The following TASP1 variants were observed in gnomAD, a reference collection of about 807,000 sequenced individuals.
TASP1 encodes the protein threonine aspartase 1.
A neutral mutation model predicts 56.6 loss-of-function variants in TASP1; 16 were observed. That is an observed-to-expected ratio of 0.28 (90% CI 0.19 to 0.43). TASP1 has a LOEUF of 0.43. Ranked by LOEUF, TASP1 falls within the 20% of genes least tolerant of loss-of-function variation. TASP1 has a pLI of 1.00. For missense variants in TASP1, 393 were observed against 511.6 expected (o/e 0.77, Z 2.24); for synonymous variants, 179 against 184.2 (o/e 0.97, Z 0.23).
chr20:13,635,691 C>T (rs1442631891), intron 1 of TASP1, among the ~76,000 whole-genome samples: 1 of 152,018 alleles, frequency 6.6e-6, no homozygotes, highest in Non-Finnish European at 1.5e-5. Context: ...CCCGGCCAAC[C>T]TTCAGCAACT....
the TASP1 span, among the ~76,000 whole-genome samples, chr20:13,360,516 A>G: frequency 6.6e-6 from 1 of 152,096 alleles, no homozygotes; most frequent in Non-Finnish European, 1.5e-5. Flanking sequence ...ATTCTTACAC[A>G]AGAGCCAGGA....
At chr20:13,478,660 C>T (rs961396161) in intron 11 of TASP1, among the ~76,000 whole-genome samples, 1 of 152,080 alleles carries the variant, frequency 6.6e-6, no homozygotes, top group East Asian at 1.9e-4. Context: ...AAAGCCCAGA[C>T]TTCACCACTA....
At chr20:13,380,359 T>C in the TASP1 span, among the ~76,000 whole-genome samples, 2 of 152,224 alleles carry the variant, frequency 1.3e-5, no homozygotes, top group African/African-American at 4.8e-5. Context: ...TGGAGTTTGC[T>C]GGAGGTCCAC....
the TASP1 span, chr20:13,167,839 C>G: frequency 6.6e-6 from 1 of 152,172 alleles, no homozygotes; most frequent in Admixed American, 6.5e-5. Context: ...AACCAGCCTT[C>G]CTGCGTGATT....
the TASP1 span, among the ~76,000 whole-genome samples, chr20:13,268,142 T>C: frequency 7.6e-3 from 1,138 of 150,074 alleles, 16 homozygotes; most frequent in African/African-American, 0.026. Context: ...TTCTCTTCTC[T>C]TCTCTTCTCT....
chr20:13,521,359 G>A (rs914908431), intron 10 of TASP1, among the ~76,000 whole-genome samples: 4 of 152,082 alleles, frequency 2.6e-5, no homozygotes, highest in African/African-American at 9.7e-5. Flanking sequence ...CAATAGCAAA[G>A]ACTTGGAACC....
At chr20:13,258,361 G>A in the TASP1 span, among the ~76,000 whole-genome samples, 1 of 152,052 alleles carries the variant, frequency 6.6e-6, no homozygotes, top group Admixed American at 6.5e-5. Flanking sequence ...CTTCAGGCCT[G>A]GAGATGTGAG....
At chr20:13,414,724 C>A (rs2146044832) in intron 13 of TASP1, among the ~76,000 whole-genome samples, 1 of 151,990 alleles carries the variant, frequency 6.6e-6, no homozygotes, top group Non-Finnish European at 1.5e-5. Flanking sequence ...GGTACTGATG[C>A]CCTAATTTTG....
At chr20:13,130,542 A>C in the TASP1 span, among the ~76,000 whole-genome samples, 1 of 152,264 alleles carries the variant, frequency 6.6e-6, no homozygotes, top group Non-Finnish European at 1.5e-5. Flanking sequence ...TTCAAAGATG[A>C]AATAGCAGTC....
In TASP1 at chr20:13,608,983, T is replaced by C. The variant is rs553489340; in HGVS notation, c.282+14463A>G. ...AGGGCTTTTATTAAAAAGAAAACTA[T>C]AGCAGTAGTTACAATTTATTTATCA... On this transcript the variant is annotated intron_variant, in intron 4 of 13. Transcript: ENST00000337743. 2.6e-5 allele frequency among the ~76,000 whole-genome samples: 4 copies of C among 152,326 alleles called. No homozygotes were observed. The South Asian group carries it at 8.3e-4, about 32-fold the overall frequency.
chr20:13,105,993 T>C, the TASP1 span, among the ~76,000 whole-genome samples: 1 of 152,174 alleles, frequency 6.6e-6, no homozygotes, highest in Admixed American at 6.5e-5. Context: ...GTTTATTAAC[T>C]GAAAATTTCA....
At chr20:13,435,905 C>G (rs3789350) in intron 11 of TASP1, among the ~76,000 whole-genome samples, 33,272 of 152,010 alleles carry the variant, frequency 0.22, 3,809 homozygotes, top group Middle Eastern at 0.29. Flanking sequence ...GGAGCTTCTG[C>G]TTAAACTTAC....
the TASP1 span, among the ~76,000 whole-genome samples, chr20:13,170,116 A>G: frequency 6.6e-6 from 1 of 152,210 alleles, no homozygotes; most frequent in Admixed American, 6.5e-5. Flanking sequence ...CACTTACCAC[A>G]TGCCAGACAC....
the TASP1 span, among the ~76,000 whole-genome samples, chr20:13,316,755 C>T: frequency 1.3e-4 from 20 of 150,418 alleles, no homozygotes; most frequent in African/African-American, 4.6e-4. Context: ...AAAAAAAAAA[C>T]TTTCAATGAA....
chr20:13,456,749 G>A (rs1472786628), intron 11 of TASP1, among the ~76,000 whole-genome samples: 3 of 151,726 alleles, frequency 2.0e-5, no homozygotes, highest in Non-Finnish European at 2.9e-5. Context: ...ATTTATACAG[G>A]AGCAAGCACA....
chr20:13,299,818 G>T, the TASP1 span: 1 of 206,696 alleles, frequency 4.8e-6, no homozygotes, highest in South Asian at 1.3e-4. The surrounding 1 kb of genome is among the most constrained non-coding windows in gnomAD (Gnocchi z 5.8). Flanking sequence ...GACTGAGGTT[G>T]TAAACGTTAT....
chr20:13,112,379 G>A, the TASP1 span, among the ~76,000 whole-genome samples: 6 of 152,102 alleles, frequency 3.9e-5, no homozygotes, highest in Non-Finnish European at 4.4e-5. Flanking sequence ...CCCTTACAAC[G>A]TGGTGCTGGC....
the TASP1 span, among the ~76,000 whole-genome samples, chr20:13,179,292 T>C: frequency 7.2e-5 from 11 of 152,270 alleles, no homozygotes; most frequent in African/African-American, 1.9e-4. Context: ...TCTATTGACA[T>C]TGAGAGTATA....
the TASP1 span, among the ~76,000 whole-genome samples, chr20:13,258,369 G>C: frequency 6.6e-6 from 1 of 152,004 alleles, no homozygotes. Flanking sequence ...CTGGAGATGT[G>C]AGCTCTCCCT....
Sources: allele counts gnomAD v4.1 joint callset (sites outside exome capture counted in the v4.1 genomes callset), GRCh38; gene constraint gnomAD v4.1.1; non-coding constraint Gnocchi (gnomAD v3.1); transcripts MANE v1.5; gene names NCBI Gene and HGNC (gene_info 2026-07-23, HGNC 2026-07-21).